RASSF5: variants seen among roughly 807,000 people sequenced by gnomAD.
The protein encoded by RASSF5 is Ras association domain family member 5, also known as ras association domain-containing protein 5.
In RASSF5, 25 loss-of-function variants were observed where a neutral mutation model predicts 40.5. That is an observed-to-expected ratio of 0.62 (90% CI 0.45 to 0.86). RASSF5 has a LOEUF of 0.86. RASSF5 is among the 40% of genes least tolerant of loss of function. The probability of loss-of-function intolerance (pLI) is 0.00; values close to 1 mark genes in which losing one functional copy is unlikely to be tolerated. For synonymous variants in RASSF5, 246 were observed against 252.4 expected (o/e 0.97, Z 0.24); for missense variants, 521 against 572.8 (o/e 0.91, Z 0.92).
chr1:206,508,027 G>A lies in RASSF5; in HGVS notation c.425G>A (p.Arg142Gln). 1 of 1,436,582 alleles carries A rather than the reference G, an allele frequency of 7.0e-7. No individual in the cohort carries two copies. 89.0% of individuals were successfully genotyped at this position (1,436,582 alleles called of 1,614,324 possible). Residue 142 changes from arginine to glutamine, a missense_variant, in exon 1 of 6, where the codon CGA becomes CAA. Arg to Gln is a conservative substitution (Grantham distance 43, BLOSUM62 1). Coordinates refer to ENST00000579436, the MANE Select transcript of RASSF5 (RefSeq NM_182663.4). ...CCCGGCTGGTGTGACCTGTGCGGAC[G>A]AGAGGTGCTGCGGCAGGCGCTGCGC... is the stretch of plus-strand genomic sequence containing the variant. ...GGPGWCDLCG[R>Q]EVLRQALRCT...
chr1:206,546,126 T>TGG (rs143824222), intron 2 of RASSF5, among the ~76,000 whole-genome samples: 6 of 90,396 alleles, frequency 6.6e-5, no homozygotes, highest in African/African-American at 2.4e-4. Flanking sequence ...TTTTTTTTTT[T>TGG]GGGACAGGAT....
intron 2 of RASSF5, among the ~76,000 whole-genome samples, chr1:206,554,628 T>A (rs1667933884): frequency 6.6e-6 from 1 of 152,202 alleles, no homozygotes; most frequent in Non-Finnish European, 1.5e-5. Flanking sequence ...TAAAGGCTCT[T>A]GCTCAGACTC....
intron 1 of RASSF5, among the ~76,000 whole-genome samples, chr1:206,530,764 C>T (rs981917332): frequency 4.6e-5 from 7 of 152,254 alleles, no homozygotes; most frequent in Admixed American, 1.3e-4. Context: ...CAAGTACACC[C>T]AGCCCCTCCC....
At chr1:206,527,145 G>C (rs1037956001) in intron 1 of RASSF5, among the ~76,000 whole-genome samples, 1 of 152,124 alleles carries the variant, frequency 6.6e-6, no homozygotes, top group Non-Finnish European at 1.5e-5. Flanking sequence ...CCCAGCACCC[G>C]ATTGAGTGTT....
chr1:206,571,711 C>T (rs1423528096), intron 2 of RASSF5, among the ~76,000 whole-genome samples: 1 of 152,190 alleles, frequency 6.6e-6, no homozygotes, highest in Non-Finnish European at 1.5e-5. Flanking sequence ...GAGGCCAATT[C>T]TGTCAGATGT....
At chr1:206,555,706 C>T (rs1041541513) in intron 2 of RASSF5, among the ~76,000 whole-genome samples, 4 of 152,322 alleles carry the variant, frequency 2.6e-5, no homozygotes, top group Admixed American at 6.5e-5. Flanking sequence ...TCTCCTGCAC[C>T]GAGGGCGGCC....
chr1:206,530,054 A>AT (rs1264403411), intron 1 of RASSF5, among the ~76,000 whole-genome samples: 1 of 152,204 alleles, frequency 6.6e-6, no homozygotes, highest in Non-Finnish European at 1.5e-5. Context: ...ACCTGATGTC[A>AT]TCACAGTGTG....
intron 2 of RASSF5, among the ~76,000 whole-genome samples, chr1:206,566,108 C>G (rs980468758): frequency 1.6e-4 from 25 of 152,192 alleles, no homozygotes; most frequent in African/African-American, 6.0e-4. Flanking sequence ...GGAATTTCTG[C>G]TACCATCAAG....
chr1:206,578,207 C>G lies in RASSF5; in HGVS notation c.580-5062C>G, dbSNP rs1477446293. Among the ~76,000 whole-genome samples the G allele has an allele frequency of 1.8e-4, 25 of 135,670 alleles. 1 individual carries two copies. Among genetic ancestry groups the G allele is most frequent in the Admixed American group, 1.8e-3 (24 of 13,120 alleles). The allele number at this position is 135,670 out of a possible 152,430, so 89.0% of individuals were successfully genotyped here. On this transcript the variant is annotated intron_variant, in intron 2 of 5. Coordinates refer to ENST00000579436, the MANE Select transcript of RASSF5 (RefSeq NM_182663.4). ...CACCAGTGCACTCTCGACTGGGTGA[C>G]AGAGGGAGACATCTCAAAAAAAAAA...
In RASSF5 at chr1:206,584,327, G is replaced by A; in HGVS notation, c.691-60G>A. Reference sequence around the variant, plus strand: ...GCTGCTGGGGCAATGGCCCCGAGTGGCAGATATGATCATGCAAGGCGGACG... The same window carrying A: ...GCTGCTGGGGCAATGGCCCCGAGTGACAGATATGATCATGCAAGGCGGACG... On this transcript the variant is annotated intron_variant, in intron 3 of 5. Transcript: ENST00000579436. This position sits in a 1 kb window ranked among gnomAD's most constrained non-coding sequence, Gnocchi z 4.9. The A allele has an allele frequency of 6.6e-7, 1 of 1,518,996 alleles. No homozygotes were observed. Among genetic ancestry groups the A allele is most frequent in the Non-Finnish European group, 8.9e-7 (1 of 1,123,294 alleles). The allele number at this position is 1,518,996 out of a possible 1,614,324, so 94.1% of individuals were successfully genotyped here.
intron 2 of RASSF5, among the ~76,000 whole-genome samples, chr1:206,555,365 CTG>C (rs201417256): frequency 7.7e-5 from 11 of 142,800 alleles, no homozygotes; most frequent in East Asian, 6.4e-4. Flanking sequence ...AATCTGGGGC[CTG>C]TTTTTTTTTT....
intron 2 of RASSF5, among the ~76,000 whole-genome samples, chr1:206,563,754 G>C (rs2103544854): frequency 1.3e-5 from 2 of 152,326 alleles, no homozygotes; most frequent in East Asian, 3.9e-4. Context: ...TGGAATGCAA[G>C]AAGAGAATGT....
intron 2 of RASSF5, among the ~76,000 whole-genome samples, chr1:206,549,210 G>A (rs191069894): frequency 1.5e-3 from 222 of 151,974 alleles, no homozygotes; most frequent in African/African-American, 5.2e-3. Flanking sequence ...CTTCAAGTTT[G>A]TTAATCTTTT....
In RASSF5 at chr1:206,579,486, C is replaced by T. The variant is rs537178168; in HGVS notation, c.580-3783C>T. Among the ~76,000 whole-genome samples the T allele has an allele frequency of 2.9e-4, 44 of 152,288 alleles. No homozygotes were observed. Among genetic ancestry groups the T allele is most frequent in the African/African-American group, 9.9e-4 (41 of 41,564 alleles). On this transcript the variant is annotated intron_variant, in intron 2 of 5. Coordinates refer to ENST00000579436, the MANE Select transcript of RASSF5 (RefSeq NM_182663.4). This position sits in a 1 kb window ranked among gnomAD's most constrained non-coding sequence, Gnocchi z 4.2. Reference sequence around the variant, plus strand: ...CTGAAGATTGCTATAGTATCGATCTCGCTCTCATGGCAGATAGTGCCTGTT... The same window carrying T: ...CTGAAGATTGCTATAGTATCGATCTTGCTCTCATGGCAGATAGTGCCTGTT...
intron 1 of RASSF5, among the ~76,000 whole-genome samples, chr1:206,521,502 A>G (rs1387129100): frequency 1.3e-5 from 2 of 152,148 alleles, no homozygotes; most frequent in Non-Finnish European, 2.9e-5. Context: ...GTGCATTCAT[A>G]TCTGTATTTC....
intron 5 of RASSF5, chr1:206,586,583 TA>T: frequency 2.5e-6 from 1 of 407,906 alleles, no homozygotes; most frequent in Non-Finnish European, 4.4e-6. Flanking sequence ...AGTTTCAAAA[TA>T]AAAACATGGT....
chr1:206,512,616 G>A (rs1225840973), intron 1 of RASSF5, among the ~76,000 whole-genome samples: 16 of 152,072 alleles, frequency 1.1e-4, no homozygotes, highest in Admixed American at 3.3e-4. Context: ...CAATTCTACC[G>A]GCGAGCCAGC....
chr1:206,556,485 G>A (rs1667989700), intron 2 of RASSF5, among the ~76,000 whole-genome samples: 2 of 152,194 alleles, frequency 1.3e-5, no homozygotes, highest in Admixed American at 1.3e-4. Context: ...AGTCAGATGG[G>A]AAAATATAAA....
intron 2 of RASSF5, among the ~76,000 whole-genome samples, chr1:206,571,746 G>A (rs1016692370): frequency 6.6e-6 from 1 of 152,252 alleles, no homozygotes; most frequent in African/African-American, 2.4e-5. Context: ...TTTTCAGGCA[G>A]AATGGTCAGA....
Sources: gnomAD v4.1 joint callset for allele counts (sites outside exome capture counted in the v4.1 genomes callset) on GRCh38, gnomAD v4.1.1 for gene constraint, Gnocchi (gnomAD v3.1) non-coding constraint, MANE v1.5 for transcripts, NCBI Gene and HGNC (gene_info 2026-07-23, HGNC 2026-07-21) for gene names.